The following IRAG2 variants were observed in gnomAD, a reference collection of about 807,000 sequenced individuals.
IRAG2 encodes the protein inositol 1,4,5-triphosphate receptor associated 2.
Under a neutral mutation model 69.9 loss-of-function variants are expected in IRAG2, and 45 were observed. The ratio of observed to expected loss-of-function variants is 0.64; its 90% CI spans 0.51 to 0.83. The LOEUF (loss-of-function observed/expected upper bound fraction) is 0.83, where lower values mean the gene tolerates loss of function less well. Among genes scored for constraint, IRAG2 ranks in the 40% least tolerant of loss-of-function variants. The pLI, the probability that IRAG2 is intolerant of heterozygous loss-of-function variation, is 0.00. For synonymous variants in IRAG2, 193 were observed against 202.4 expected (o/e 0.95, Z 0.40); for missense variants, 520 against 587.0 (o/e 0.89, Z 1.18).
At chr12:25,089,980 A>G in intron 13 of IRAG2, 77 bp from the exon 14 acceptor site, 1 of 1,450,542 alleles carries the variant, frequency 6.9e-7, no homozygotes, top group Admixed American at 1.8e-5. Context: ...CTCAGTATAA[A>G]ACAGTATTAA....
At chr12:25,035,691 G>A (rs546890255) in exon 14 of IRAG2, 1 of 398,982 alleles carries the variant, frequency 2.5e-6, no homozygotes, top group East Asian at 3.6e-5. Flanking sequence ...TAATCAACTT[G>A]TCATCTCTGG....
At chr12:25,022,123 A>T (rs546644414) in intron 7 of IRAG2, among the ~76,000 whole-genome samples, 18 of 152,308 alleles carry the variant, frequency 1.2e-4, no homozygotes, top group African/African-American at 4.3e-4. Flanking sequence ...TAACAATACT[A>T]CTTACCCTAG....
chr12:25,020,748 A>C, intron 6 of IRAG2: 1 of 946,752 alleles, frequency 1.1e-6, no homozygotes, highest in Non-Finnish European at 1.4e-6. Context: ...TGACGGTTAT[A>C]TTTGAGGTTT....
rs371227779 is a variant in IRAG2, at chr12:25,020,978, T to A, written c.1332+71T>A. Reference sequence around the variant, plus strand: ...TAACTGAAATATACAAGAGGACTTATCCGGTGGAACATCAGAAGTCAATAT... The same window carrying A: ...TAACTGAAATATACAAGAGGACTTAACCGGTGGAACATCAGAAGTCAATAT... On this transcript the variant is annotated intron_variant, in intron 7 of 38. Coordinates refer to the IRAG2 transcript ENST00000636465. 1.2e-5 allele frequency: 9 copies of A among 744,346 alleles called. No homozygotes were observed. In the African/African-American group the frequency reaches 1.6e-4, roughly 14 times the overall value. 46.1% of individuals were successfully genotyped at this position (744,346 alleles called of 1,614,324 possible). A position where few individuals can be genotyped will look rare whatever the true frequency, so the allele number is the denominator to read the frequency against.
intron 11 of IRAG2, among the ~76,000 whole-genome samples, chr12:25,088,519 C>T (rs1167193905): frequency 6.6e-6 from 1 of 152,182 alleles, no homozygotes; most frequent in Non-Finnish European, 1.5e-5. Context: ...AGCCTACCTC[C>T]ATTGGGATGG....
chr12:25,066,571 C>G (rs1171328656), intron 5 of IRAG2, 59 bp downstream of exon 5: 2 of 400,088 alleles, frequency 5.0e-6, no homozygotes, highest in African/African-American at 4.1e-5. Flanking sequence ...TTCCCATTGC[C>G]TAACATTTTA....
In IRAG2 at chr12:25,102,227, T is replaced by C; in HGVS notation, c.919T>C (p.Ser307Pro). The change falls in exon 17 of 22, where the codon TCT (serine) becomes CCT (proline). Residue 307 changes from serine (S) to proline (P), a missense_variant. Coordinates refer to ENST00000556887, the MANE Select transcript of IRAG2 (RefSeq NM_001366544.2). ...DDCQIKKRSA[S>P]LNSKPSSLRR... ...CTGCCAAATTAAAAAACGTTCAGCTTCTCTAAACTCCAAGGTAATTACTAA... is the reference window on the plus strand; with the variant it reads ...CTGCCAAATTAAAAAACGTTCAGCTCCTCTAAACTCCAAGGTAATTACTAA... 3.1e-6 allele frequency: 5 copies of C among 1,613,164 alleles called. No individual in the cohort carries two copies. The highest frequency in any genetic ancestry group is 4.2e-6 in the Non-Finnish European group (5 of 1,179,358).
At chr12:25,058,033 G>A (rs879701312) in intron 1 of IRAG2, among the ~76,000 whole-genome samples, 4 of 152,110 alleles carry the variant, frequency 2.6e-5, no homozygotes, top group Admixed American at 6.6e-5. Context: ...TTGGGGTTAC[G>A]ACGGACAAAG....
intron 6 of IRAG2, among the ~76,000 whole-genome samples, chr12:25,077,150 T>C (rs933605041): frequency 1.7e-5 from 2 of 117,566 alleles, no homozygotes; most frequent in African/African-American, 6.1e-5. Context: ...ATTGCAGGCG[T>C]GTGCCACCGT....
intron 16 of IRAG2, chr12:25,101,953 T>G (rs1407137220): frequency 1.5e-6 from 1 of 662,854 alleles, no homozygotes; most frequent in Admixed American, 2.0e-5. Context: ...ACACATGTAG[T>G]GCCTACCCTG....
chr12:25,089,609 A>C lies in IRAG2; in HGVS notation c.374-5A>C. On this transcript the variant is annotated splice_polypyrimidine_tract_variant and splice_region_variant and intron_variant, in intron 11 of 21. Transcript: ENST00000556887. The stretch of plus-strand genomic sequence containing the variant: ...ACCAAATAATATTTTATTATATTTT[A>C]ATAGACTCTGTGGTTTCCCCTCTTC... 1 of 1,555,084 alleles carries C rather than the reference A, an allele frequency of 6.4e-7. No individual in the cohort carries two copies. Among genetic ancestry groups the C allele is most frequent in the South Asian group, 1.1e-5 (1 of 87,370 alleles).
intron 14 of IRAG2, 30 bp downstream of exon 14, chr12:25,090,227 A>G (rs1386934957): frequency 1.2e-6 from 2 of 1,606,180 alleles, no homozygotes; most frequent in Non-Finnish European, 1.7e-6. Context: ...GGATATAAAC[A>G]TTTGGTCTAG....
upstream of IRAG2, among the ~76,000 whole-genome samples, chr12:25,001,297 A>T (rs904143504): frequency 6.6e-6 from 1 of 152,020 alleles, no homozygotes; most frequent in Non-Finnish European, 1.5e-5. Flanking sequence ...TTAAAAAAAA[A>T]TGCTAAGTGT....
intron 1 of IRAG2, among the ~76,000 whole-genome samples, chr12:25,053,325 C>A (rs1944978287): frequency 6.6e-6 from 1 of 151,116 alleles, no homozygotes; most frequent in African/African-American, 2.4e-5. Flanking sequence ...ATTTTATTAG[C>A]TAGTTTTTTT....
intron 16 of IRAG2, among the ~76,000 whole-genome samples, chr12:25,039,523 C>T (rs1432116295): frequency 6.6e-6 from 1 of 152,214 alleles, no homozygotes; most frequent in African/African-American, 2.4e-5. Context: ...CTCTGCCTCC[C>T]GGGTTCAGGC....
chr12:25,063,620 G>A (rs1945779962), intron 3 of IRAG2, 100 bp from the exon 4 acceptor site: 1 of 397,538 alleles, frequency 2.5e-6, no homozygotes, highest in Admixed American at 4.4e-5. Flanking sequence ...GGTCACTTGA[G>A]ACTAGTGATA....
intron 7 of IRAG2, among the ~76,000 whole-genome samples, chr12:25,021,581 G>A (rs1458895363): frequency 6.6e-6 from 1 of 152,164 alleles, no homozygotes; most frequent in African/African-American, 2.4e-5. Context: ...TAAGTCAGAT[G>A]CCAGAGAAGT....
At chr12:25,019,159 A>C in intron 6 of IRAG2, among the ~76,000 whole-genome samples, 1 of 152,194 alleles carries the variant, frequency 6.6e-6, no homozygotes, top group South Asian at 2.1e-4. Flanking sequence ...CTGTGGCAGC[A>C]TCTAGGGGTT....
chr12:25,081,025 T>A (rs534862965), intron 9 of IRAG2, among the ~76,000 whole-genome samples: 1 of 152,352 alleles, frequency 6.6e-6, no homozygotes, highest in South Asian at 2.1e-4. Context: ...CTATACACAC[T>A]ATGTTTTTGG....
Sources: gnomAD v4.1 joint callset for allele counts (sites outside exome capture counted in the v4.1 genomes callset) on GRCh38, gnomAD v4.1.1 for gene constraint, MANE v1.5 for transcripts, NCBI Gene and HGNC (gene_info 2026-07-23, HGNC 2026-07-21) for gene names.